Variants in TRIM58 observed in about 807,000 individuals in gnomAD.
TRIM58 encodes the protein tripartite motif containing 58.
In TRIM58, 38 loss-of-function variants were observed where a neutral mutation model predicts 34.1. The observed-to-expected ratio is 1.12, with a 90% CI of 0.86 to 1.46. The LOEUF (loss-of-function observed/expected upper bound fraction) is 1.46. Among genes scored for constraint, TRIM58 ranks in the 40% most tolerant of loss-of-function variants. The pLI, the probability that TRIM58 is intolerant of heterozygous loss-of-function variation, is 0.00. For synonymous variants in TRIM58, 273 were observed against 275.7 expected (o/e 0.99, Z 0.10); for missense variants, 677 against 642.0 (o/e 1.05, Z -0.59).
chr1:247,858,751 A>ATTTT (rs1558347904), intron 1 of TRIM58, among the ~76,000 whole-genome samples: 1 of 71,584 alleles, frequency 1.4e-5, no homozygotes, highest in East Asian at 5.9e-4. Flanking sequence ...ATTGGTAGTA[A>ATTTT]CTTTTTTTTT....
At chr1:247,873,689 C>T (rs552323079) in intron 5 of TRIM58, among the ~76,000 whole-genome samples, 4 of 152,242 alleles carry the variant, frequency 2.6e-5, no homozygotes, top group Admixed American at 6.5e-5. Context: ...TTCACTAGAC[C>T]GGGCGTGGCA....
chr1:247,860,407 G>A (rs1663757803), intron 1 of TRIM58, among the ~76,000 whole-genome samples: 1 of 141,404 alleles, frequency 7.1e-6, no homozygotes, highest in Non-Finnish European at 1.5e-5. Flanking sequence ...GCTGCAGTGA[G>A]CCATGATCGC....
At chr1:247,875,664 A>G (rs1007405202) in intron 5 of TRIM58, among the ~76,000 whole-genome samples, 9 of 152,152 alleles carry the variant, frequency 5.9e-5, no homozygotes, top group East Asian at 1.9e-4. Context: ...TGGGAAAGTT[A>G]AAGAGTTCTG....
chr1:247,865,307 A>G (rs1663895051), intron 3 of TRIM58, among the ~76,000 whole-genome samples: 1 of 152,184 alleles, frequency 6.6e-6, no homozygotes, highest in Non-Finnish European at 1.5e-5. Flanking sequence ...AGGACTAAAG[A>G]ATTCTTAAAA....
At chr1:247,867,795 G>T (rs1438972287) in intron 3 of TRIM58, 50 bp from the exon 4 acceptor site, 1 of 1,612,892 alleles carries the variant, frequency 6.2e-7, no homozygotes, top group Non-Finnish European at 8.5e-7. Flanking sequence ...GTCTGACTGT[G>T]AAAAGCAGTT....
chr1:247,868,825 G>A (rs924346994), intron 5 of TRIM58, among the ~76,000 whole-genome samples: 6 of 152,198 alleles, frequency 3.9e-5, no homozygotes, highest in African/African-American at 1.2e-4. Flanking sequence ...GGGGTACGGA[G>A]CTTCCACGCC....
intron 5 of TRIM58, among the ~76,000 whole-genome samples, chr1:247,871,498 A>C (rs981266951): frequency 7.9e-5 from 12 of 152,340 alleles, no homozygotes; most frequent in Admixed American, 6.5e-4. Context: ...AAGTAATGAA[A>C]ACTATGTCTA....
intron 3 of TRIM58, among the ~76,000 whole-genome samples, chr1:247,866,978 T>A (rs12063391): frequency 0.42 from 64,321 of 151,922 alleles, 14,328 homozygotes; most frequent in African/African-American, 0.57. Context: ...GCAACTGTTT[T>A]TAAGGGGAGA....
At chr1:247,866,305 T>G (rs1404690723) in intron 3 of TRIM58, among the ~76,000 whole-genome samples, 2 of 152,060 alleles carry the variant, frequency 1.3e-5, no homozygotes, top group Non-Finnish European at 2.9e-5. Context: ...GCCTCCTGAG[T>G]AGCTGGGATT....
At position 247,876,808 on chromosome 1, in the gene TRIM58, A is replaced by C; in HGVS notation, c.*319A>C. 3.5e-6 allele frequency: 1 copy of C among 283,018 alleles called. No homozygotes were observed. The allele number at this position is 283,018 out of a possible 1,614,324, so 17.5% of individuals were successfully genotyped here. A position where few individuals can be genotyped will look rare whatever the true frequency, so the allele number is the denominator to read the frequency against. On this transcript the variant is annotated 3_prime_UTR_variant, in exon 6 of 6. Coordinates refer to ENST00000366481, the MANE Select transcript of TRIM58 (RefSeq NM_015431.4). ...TCATTATAATTTGTTATTCCTTTCA[A>C]TATCCTTGTATTTCAAATCTTCCAT... is the stretch of plus-strand genomic sequence containing the variant.
chr1:247,861,991 G>C (rs1376126625), intron 2 of TRIM58, among the ~76,000 whole-genome samples: 1 of 152,154 alleles, frequency 6.6e-6, no homozygotes, highest in African/African-American at 2.4e-5. Context: ...AGCCAGGCGT[G>C]GTGGCACATG....
intron 5 of TRIM58, among the ~76,000 whole-genome samples, chr1:247,873,831 A>C (rs1325337093): frequency 6.6e-6 from 1 of 152,130 alleles, no homozygotes; most frequent in Non-Finnish European, 1.5e-5. Context: ...CTAGCTGGGC[A>C]TGGTGGTGTG....
rs759619059 is a variant in TRIM58, at chr1:247,876,147, C to T, written c.1119C>T (p.Thr373=). 1.2e-6 allele frequency: 2 copies of T among 1,614,146 alleles called. No homozygotes were observed. The highest frequency in any genetic ancestry group is 8.5e-7 in the Non-Finnish European group (1 of 1,180,014). Residue 373 remains threonine, a synonymous_variant, in exon 6 of 6, where the codon ACC becomes ACT. Coordinates refer to ENST00000366481, the MANE Select transcript of TRIM58 (RefSeq NM_015431.4). ...CQDTLPRKGE[T]TPSPENGVWA... is the part of the protein sequence containing the mutation. ...ACACACTGCCAAGAAAGGGGGAAAC[C>T]ACGCCATCTCCTGAGAATGGGGTCT...
chr1:247,873,036 G>A (rs1374054634), intron 5 of TRIM58, among the ~76,000 whole-genome samples: 2 of 152,110 alleles, frequency 1.3e-5, no homozygotes, highest in African/African-American at 4.8e-5. Context: ...TTCGAGACCA[G>A]CCTGATCAAC....
chr1:247,867,547 TA>T (rs1030215537), intron 3 of TRIM58, among the ~76,000 whole-genome samples: 1 of 151,150 alleles, frequency 6.6e-6, no homozygotes, highest in Non-Finnish European at 1.5e-5. Context: ...TACAAAAAAA[TA>T]AAAAAAATTA....
chr1:247,864,114 G>A (rs891880860), intron 2 of TRIM58, among the ~76,000 whole-genome samples: 1 of 152,014 alleles, frequency 6.6e-6, no homozygotes, highest in Non-Finnish European at 1.5e-5. Flanking sequence ...TAGTTTAATA[G>A]ATATTTAGCT....
In TRIM58 at chr1:247,879,644, A is replaced by T. The variant is rs190575077; in HGVS notation, c.*3155A>T. 1.2e-3 allele frequency among the ~76,000 whole-genome samples: 166 copies of T among 133,602 alleles called. No homozygotes were observed. Among genetic ancestry groups the T allele is most frequent in the African/African-American group, 4.7e-3 (161 of 34,270 alleles). The allele number at this position is 133,602 out of a possible 152,430, so 87.6% of individuals were successfully genotyped here. A position where few individuals can be genotyped will look rare whatever the true frequency, so the allele number is the denominator to read the frequency against. On this transcript the variant is annotated 3_prime_UTR_variant, in exon 6 of 6. Transcript: ENST00000366481. The stretch of plus-strand genomic sequence containing the variant: ...TCCTCTGATTATCTCTCCCACCCCC[A>T]CTTCCCTTTGCATTCTGCTCCAGCT...
chr1:247,859,738 G>A (rs1480547142), intron 1 of TRIM58, among the ~76,000 whole-genome samples: 2 of 151,604 alleles, frequency 1.3e-5, no homozygotes, highest in Non-Finnish European at 2.9e-5. Flanking sequence ...ACTTCAAGAA[G>A]TTGAAGTTAT....
intron 1 of TRIM58, among the ~76,000 whole-genome samples, chr1:247,858,216 G>A (rs1005979010): frequency 6.6e-6 from 1 of 152,156 alleles, no homozygotes; most frequent in Non-Finnish European, 1.5e-5. Context: ...GTAGGAGCGG[G>A]TGGCTCTCCA....
Sources: gnomAD v4.1 joint callset for allele counts (sites outside exome capture counted in the v4.1 genomes callset) on GRCh38, gnomAD v4.1.1 for gene constraint, MANE v1.5 for transcripts, NCBI Gene and HGNC (gene_info 2026-07-23, HGNC 2026-07-21) for gene names.